CRPPA: variants seen among roughly 807,000 people sequenced by gnomAD.
CRPPA encodes D-ribitol-5-phosphate cytidylyltransferase.
CRPPA carries 43 observed loss-of-function variants against 52.0 expected under a neutral mutation model. The ratio of observed to expected loss-of-function variants is 0.83; its 90% confidence interval spans 0.65 to 1.07. CRPPA has a LOEUF of 1.07. Among genes scored for constraint, CRPPA ranks in the 50% least tolerant of loss-of-function variants. The pLI is 0.00. For synonymous variants in CRPPA, 250 were observed against 203.5 expected (o/e 1.23, Z -1.94); for missense variants, 629 against 551.7 (o/e 1.14, Z -1.40).
At chr7:16,352,112 A>G (rs932339911) in intron 3 of CRPPA, among the ~76,000 whole-genome samples, 1 of 152,198 alleles carries the variant, frequency 6.6e-6, no homozygotes, top group Admixed American at 6.5e-5. Flanking sequence ...TGTCCTTTGC[A>G]GGGACATGAA....
At chr7:16,112,005 C>A (rs1782274092) in intron 9 of CRPPA, among the ~76,000 whole-genome samples, 1 of 152,058 alleles carries the variant, frequency 6.6e-6, no homozygotes, top group Non-Finnish European at 1.5e-5. Context: ...ATTATAATAT[C>A]ACTTTTTACC....
chr7:16,239,416 G>A (rs1783044465), intron 8 of CRPPA, among the ~76,000 whole-genome samples: 1 of 151,650 alleles, frequency 6.6e-6, no homozygotes, highest in Admixed American at 6.6e-5. Flanking sequence ...ATTGCATTAA[G>A]TTTAGGTATT....
At chr7:16,115,448 C>G (rs779813520) in intron 9 of CRPPA, among the ~76,000 whole-genome samples, 2 of 152,108 alleles carry the variant, frequency 1.3e-5, no homozygotes, top group Non-Finnish European at 2.9e-5. Context: ...CGAATACACT[C>G]AGTTACAAAT....
At chr7:16,235,215 G>A (rs764016529) in intron 8 of CRPPA, among the ~76,000 whole-genome samples, 3 of 151,958 alleles carry the variant, frequency 2.0e-5, no homozygotes, top group Non-Finnish European at 2.9e-5. Context: ...TTCAGAGAAG[G>A]AAAAAGACTT....
At chr7:16,185,626 C>T (rs1288032333) in intron 9 of CRPPA, among the ~76,000 whole-genome samples, 2 of 152,100 alleles carry the variant, frequency 1.3e-5, no homozygotes, top group Non-Finnish European at 2.9e-5. Context: ...TGTCTGAAGT[C>T]AACTGATGAT....
intron 9 of CRPPA, among the ~76,000 whole-genome samples, chr7:16,100,398 T>A (rs768301388): frequency 1.3e-5 from 2 of 152,220 alleles, no homozygotes; most frequent in African/African-American, 4.8e-5. Context: ...TACTAAAAGA[T>A]AACTTTTCCA....
Position 16,122,893 on chromosome 7 carries a change from T to A in CRPPA, c.1252-31094A>T, listed in dbSNP as rs1012794027. Among the ~76,000 whole-genome samples the A allele has an allele frequency of 2.6e-5, 4 of 152,200 alleles. No homozygotes were observed. In the East Asian group the frequency reaches 7.7e-4, roughly 29 times the overall value. The stretch of plus-strand genomic sequence containing the variant: ...AATAATTATTTTCAACATGAGGTGA[T>A]AACTACTTTGTACACCCCTTTATAG... On this transcript the variant is annotated intron_variant, in intron 9 of 9. Transcript: ENST00000407010.
At chr7:16,280,731 T>C (rs1784304424) in intron 5 of CRPPA, among the ~76,000 whole-genome samples, 1 of 152,146 alleles carries the variant, frequency 6.6e-6, no homozygotes, top group East Asian at 1.9e-4. Flanking sequence ...ATTCAAAATC[T>C]ATTTGCTGGC....
chr7:16,326,269 A>G (rs773243733), intron 3 of CRPPA, among the ~76,000 whole-genome samples: 7 of 152,202 alleles, frequency 4.6e-5, no homozygotes, highest in Non-Finnish European at 8.8e-5. Flanking sequence ...CAGACATCTA[A>G]CAGACACAAG....
chr7:16,397,110 C>T (rs550458822), intron 2 of CRPPA, among the ~76,000 whole-genome samples: 23 of 152,222 alleles, frequency 1.5e-4, no homozygotes, highest in African/African-American at 4.6e-4. Flanking sequence ...AAATAAGACA[C>T]GTGGACACAC....
chr7:16,213,029 A>G (rs1220871732), intron 9 of CRPPA, among the ~76,000 whole-genome samples: 1 of 152,256 alleles, frequency 6.6e-6, no homozygotes, highest in Non-Finnish European at 1.5e-5. Context: ...AGAAGTTCAC[A>G]TGCAAAATTG....
chr7:16,210,293 A>T (rs896849428), intron 9 of CRPPA, among the ~76,000 whole-genome samples: 1 of 152,124 alleles, frequency 6.6e-6, no homozygotes, highest in African/African-American at 2.4e-5. Flanking sequence ...TCTGCACTCC[A>T]GTGTTAGTGT....
chr7:16,150,279 A>C (rs994031193), intron 9 of CRPPA, among the ~76,000 whole-genome samples: 30 of 152,194 alleles, frequency 2.0e-4, no homozygotes, highest in African/African-American at 6.8e-4. Context: ...TGTAAGAATA[A>C]TCAGCAACTT....
At chr7:16,265,093 A>G (rs1783918299) in intron 6 of CRPPA, among the ~76,000 whole-genome samples, 2 of 152,210 alleles carry the variant, frequency 1.3e-5, no homozygotes, top group Non-Finnish European at 2.9e-5. Context: ...AAGGAAGTCA[A>G]TCCTGGTAGA....
intron 9 of CRPPA, among the ~76,000 whole-genome samples, chr7:16,188,153 T>C (rs1781542256): frequency 6.6e-6 from 1 of 151,778 alleles, no homozygotes; most frequent in Non-Finnish European, 1.5e-5. Context: ...TTCACTAATT[T>C]TTTTGTATTT....
chr7:16,167,297 C>T (rs923144819), intron 9 of CRPPA, among the ~76,000 whole-genome samples: 1 of 152,200 alleles, frequency 6.6e-6, no homozygotes, highest in Non-Finnish European at 1.5e-5. Context: ...CTTATTTATA[C>T]ACTATTTCCT....
intron 4 of CRPPA, among the ~76,000 whole-genome samples, chr7:16,303,629 G>C (rs964771557): frequency 4.6e-5 from 7 of 151,752 alleles, no homozygotes; most frequent in African/African-American, 1.5e-4. Context: ...ATGTTTATTA[G>C]GTATAGATTT....
At chr7:16,201,544 C>T (rs1032209556) in intron 9 of CRPPA, among the ~76,000 whole-genome samples, 4 of 152,170 alleles carry the variant, frequency 2.6e-5, no homozygotes, top group African/African-American at 9.7e-5. Flanking sequence ...CTCTTGCTGT[C>T]GAGAGCTTTT....
chr7:16,118,221 T>C (rs1782416549), intron 9 of CRPPA, among the ~76,000 whole-genome samples: 1 of 152,202 alleles, frequency 6.6e-6, no homozygotes, highest in Non-Finnish European at 1.5e-5. Context: ...AGGAGAAGTT[T>C]TACTTCTGTC....
Sources: gnomAD v4.1 joint callset for allele counts (sites outside exome capture counted in the v4.1 genomes callset) on GRCh38, gnomAD v4.1.1 for gene constraint, MANE v1.5 for transcripts, NCBI Gene and HGNC (gene_info 2026-07-23, HGNC 2026-07-21) for gene names.